UGT1A5: variants seen among roughly 807,000 people sequenced by gnomAD.
UGT1A5 encodes UDP glucuronosyltransferase family 1 member A5.
UGT1A5 carries 29 observed loss-of-function variants against 40.3 expected under a neutral mutation model. The ratio of observed to expected loss-of-function variants is 0.72; its 90% CI spans 0.54 to 0.98. The LOEUF is 0.98. Among genes scored for constraint, UGT1A5 ranks in the 50% least tolerant of loss-of-function variants. UGT1A5 has a pLI of 0.00. For missense variants in UGT1A5, 678 were observed against 677.9 expected, an observed-to-expected ratio of 1.00 and a Z score of 0.00; for synonymous variants, 257 against 262.5, an observed-to-expected ratio of 0.98 and a Z score of 0.20.
chr2:233,737,383 C>T (rs1188970880), intron 1 of UGT1A5, among the ~76,000 whole-genome samples: 6 of 152,224 alleles, frequency 3.9e-5, no homozygotes, highest in Non-Finnish European at 8.8e-5. Flanking sequence ...AGAGAATCTC[C>T]TTGTCTGCCA....
At chr2:233,735,660 T>C (rs2078678346) in intron 1 of UGT1A5, among the ~76,000 whole-genome samples, 1 of 152,214 alleles carries the variant, frequency 6.6e-6, no homozygotes, top group South Asian at 2.1e-4. Flanking sequence ...GGTGTTTCTT[T>C]CCATGTTTAG....
At chr2:233,767,689 G>A (rs541366705) in intron 2 of UGT1A5, among the ~76,000 whole-genome samples, 160 bp from the exon 3 acceptor site, 3 of 152,308 alleles carry the variant, frequency 2.0e-5, no homozygotes, top group Non-Finnish European at 4.4e-5. Context: ...ACAAGATGCC[G>A]GAAGTTGCCA....
At chr2:233,717,097 A>C (rs1035812992) in intron 1 of UGT1A5, among the ~76,000 whole-genome samples, 3 of 152,144 alleles carry the variant, frequency 2.0e-5, no homozygotes, top group Non-Finnish European at 4.4e-5. Flanking sequence ...TGACATCACT[A>C]TCTAAATAAA....
intron 1 of UGT1A5, among the ~76,000 whole-genome samples, chr2:233,715,640 T>C (rs6749496): frequency 0.45 from 68,545 of 151,744 alleles, 16,739 homozygotes; most frequent in African/African-American, 0.65. Flanking sequence ...GGTGTGATGG[T>C]GCACACCTGT....
chr2:233,751,726 T>C (rs148405152), intron 1 of UGT1A5, among the ~76,000 whole-genome samples: 37 of 152,334 alleles, frequency 2.4e-4, no homozygotes, highest in Admixed American at 6.5e-4. Context: ...AAGTGAACTC[T>C]TCCTCTCTGT....
At chr2:233,767,405 A>G (rs1699388437) in intron 2 of UGT1A5, among the ~76,000 whole-genome samples, 1 of 152,206 alleles carries the variant, frequency 6.6e-6, no homozygotes, top group Admixed American at 6.5e-5. Flanking sequence ...ATTTTCTCTA[A>G]GAGACTCAAA....
Position 233,713,162 on chromosome 2 carries a change from G to A in UGT1A5, c.171G>A (p.Gln57=). The change falls in exon 1 of 5, where the codon CAG becomes CAA. Residue 57 remains glutamine (Q), a synonymous_variant. Transcript: ENST00000373414. ...GGGACCTCCATGCGAGAGGCCACCA[G>A]GTGGTGGTCCTCACCCTGGAGGTGA... ...ALRDLHARGH[Q]VVVLTLEVNM... 6.2e-7 allele frequency: 1 copy of A among 1,614,256 alleles called. No homozygotes were observed. The highest frequency in any genetic ancestry group is 8.5e-7 in the Non-Finnish European group (1 of 1,180,052).
intron 1 of UGT1A5, chr2:233,729,455 T>G: frequency 2.5e-6 from 4 of 1,614,068 alleles, no homozygotes; most frequent in Non-Finnish European, 2.5e-6. Flanking sequence ...CTGAAGAAAT[T>G]TTTCAGAAGT....
intron 1 of UGT1A5, among the ~76,000 whole-genome samples, chr2:233,737,200 G>A (rs1173255293): frequency 1.3e-5 from 2 of 152,180 alleles, no homozygotes; most frequent in African/African-American, 4.8e-5. Context: ...GCTGAGCTGC[G>A]GTGGACTCTG....
intron 1 of UGT1A5, among the ~76,000 whole-genome samples, chr2:233,758,085 A>G (rs1336263007): frequency 6.6e-6 from 1 of 152,196 alleles, no homozygotes; most frequent in African/African-American, 2.4e-5. Flanking sequence ...AGTTCCTAGC[A>G]TAGTGACTGC....
At chr2:233,730,680 C>T (rs1218688522) in intron 1 of UGT1A5, among the ~76,000 whole-genome samples, 1 of 152,088 alleles carries the variant, frequency 6.6e-6, no homozygotes, top group African/African-American at 2.4e-5. Flanking sequence ...GTAATGGTTG[C>T]ATCTCAAATG....
chr2:233,720,410 G>T (rs537588442), intron 1 of UGT1A5, among the ~76,000 whole-genome samples: 1 of 152,200 alleles, frequency 6.6e-6, no homozygotes, highest in South Asian at 2.1e-4. Flanking sequence ...GGGTGGAAGG[G>T]ACTAGGGAGG....
intron 2 of UGT1A5, among the ~76,000 whole-genome samples, chr2:233,767,541 T>C (rs1036019963): frequency 7.9e-4 from 120 of 152,396 alleles, no homozygotes; most frequent in African/African-American, 2.8e-3. Context: ...ATTTCTGCTC[T>C]TATAGTTCTG....
intron 1 of UGT1A5, chr2:233,729,094 G>T: frequency 9.9e-6 from 16 of 1,612,652 alleles, no homozygotes; most frequent in Non-Finnish European, 1.4e-5. Flanking sequence ...ACAGCGTGGG[G>T]TGGACAGTCA....
chr2:233,732,874 G>A (rs1220552637), intron 1 of UGT1A5, among the ~76,000 whole-genome samples: 1 of 151,670 alleles, frequency 6.6e-6, no homozygotes, highest in Non-Finnish European at 1.5e-5. Context: ...GATGGGTTTG[G>A]CATTGAATCT....
At chr2:233,757,106 G>A (rs1294387153) in intron 1 of UGT1A5, among the ~76,000 whole-genome samples, 2 of 151,332 alleles carry the variant, frequency 1.3e-5, no homozygotes, top group African/African-American at 4.9e-5. Flanking sequence ...GAGGGGGCAA[G>A]CAGAAGGGCT....
chr2:233,717,168 T>C (rs1307662395), intron 1 of UGT1A5, among the ~76,000 whole-genome samples: 1 of 152,206 alleles, frequency 6.6e-6, no homozygotes, highest in Non-Finnish European at 1.5e-5. Context: ...GCCCCTTGAA[T>C]GTGGCAAGAG....
At chr2:233,758,953 C>T (rs1697026708) in intron 1 of UGT1A5, among the ~76,000 whole-genome samples, 1 of 152,184 alleles carries the variant, frequency 6.6e-6, no homozygotes. Flanking sequence ...ATCAGAATTT[C>T]CCCAAATGCC....
chr2:233,745,639 G>T (rs182919627), intron 1 of UGT1A5, among the ~76,000 whole-genome samples: 1 of 151,500 alleles, frequency 6.6e-6, no homozygotes, highest in South Asian at 2.1e-4. Context: ...AAAGCTGGCC[G>T]AGGGTAGAGT....
Sources: allele counts gnomAD v4.1 joint callset (sites outside exome capture counted in the v4.1 genomes callset), GRCh38; gene constraint gnomAD v4.1.1; transcripts MANE v1.5; gene names NCBI Gene and HGNC (gene_info 2026-07-23, HGNC 2026-07-21).